Variants in DGKB observed in about 807,000 individuals in gnomAD.
The protein encoded by DGKB is 90 kDa diacylglycerol kinase.
Under a neutral mutation model 114.3 loss-of-function variants are expected in DGKB, and 67 were observed. The observed-to-expected ratio is 0.59, with a 90% CI of 0.48 to 0.72. DGKB has a LOEUF of 0.72. DGKB is among the 30% of genes least tolerant of loss of function. DGKB has a pLI of 0.00. For missense variants in DGKB, 907 were observed against 975.2 expected (o/e 0.93, Z 0.93); for synonymous variants, 398 against 323.1 (o/e 1.23, Z -2.49).
intron 23 of DGKB, among the ~76,000 whole-genome samples, chr7:14,273,729 T>C (rs908266827): frequency 6.6e-6 from 1 of 152,218 alleles, no homozygotes; most frequent in Non-Finnish European, 1.5e-5. Flanking sequence ...TGAAAAGGTG[T>C]CTTCTAAAAC....
chr7:14,560,968 A>T (rs1796573181), intron 20 of DGKB, among the ~76,000 whole-genome samples: 1 of 152,170 alleles, frequency 6.6e-6, no homozygotes, highest in Non-Finnish European at 1.5e-5. Context: ...TTAGAAATAT[A>T]TACTGGTTCA....
chr7:14,790,166 C>T (rs1054807609), intron 2 of DGKB, among the ~76,000 whole-genome samples: 6 of 152,130 alleles, frequency 3.9e-5, no homozygotes, highest in South Asian at 2.1e-4. Context: ...TCGAATTTTG[C>T]GAGTTCATTA....
At chr7:14,215,553 T>A (rs1459524961) in intron 23 of DGKB, among the ~76,000 whole-genome samples, 3 of 152,164 alleles carry the variant, frequency 2.0e-5, no homozygotes, top group South Asian at 4.1e-4. Flanking sequence ...ACAATTAGCA[T>A]ACAAATGTTT....
At chr7:14,217,671 GA>G (rs937456442) in intron 23 of DGKB, among the ~76,000 whole-genome samples, 78 of 148,998 alleles carry the variant, frequency 5.2e-4, no homozygotes, top group Middle Eastern at 3.5e-3. Flanking sequence ...AGATGCAAGT[GA>G]AAAAAAAAAT....
At chr7:14,706,756 C>A (rs2129020433) in intron 6 of DGKB, among the ~76,000 whole-genome samples, 1 of 97,644 alleles carries the variant, frequency 1.0e-5, no homozygotes, top group African/African-American at 4.2e-5. Flanking sequence ...TAAAGATGTT[C>A]TTTGAAACCA....
intron 10 of DGKB, among the ~76,000 whole-genome samples, chr7:14,684,974 G>C (rs1821424499): frequency 6.6e-6 from 1 of 151,980 alleles, no homozygotes; most frequent in Non-Finnish European, 1.5e-5. Flanking sequence ...CTGAAGAAAT[G>C]GGAAACATGA....
At chr7:14,549,154 A>G (rs1336308142) in intron 20 of DGKB, among the ~76,000 whole-genome samples, 2 of 152,200 alleles carry the variant, frequency 1.3e-5, no homozygotes, top group Admixed American at 1.3e-4. Flanking sequence ...GTGTAAGGTC[A>G]TGGATGCCCA....
At chr7:14,365,854 A>G (rs1053477247) in intron 21 of DGKB, among the ~76,000 whole-genome samples, 4 of 152,106 alleles carry the variant, frequency 2.6e-5, no homozygotes, top group African/African-American at 9.7e-5. Flanking sequence ...TATAAATTGT[A>G]TTAGGTAAAT....
At chr7:14,685,660 G>A (rs1417414069) in intron 9 of DGKB, among the ~76,000 whole-genome samples, 2 of 152,122 alleles carry the variant, frequency 1.3e-5, no homozygotes, top group Non-Finnish European at 2.9e-5. Context: ...GGACGTGATT[G>A]CCTCTTCTTT....
chr7:14,937,266 C>T (rs1470260770), intron 1 of DGKB, among the ~76,000 whole-genome samples: 4 of 151,760 alleles, frequency 2.6e-5, no homozygotes, highest in African/African-American at 7.2e-5. Context: ...TATTCAAATT[C>T]TGATTTATAT....
intron 17 of DGKB, among the ~76,000 whole-genome samples, chr7:14,589,472 G>T (rs1801324064): frequency 6.6e-6 from 1 of 151,934 alleles, no homozygotes; most frequent in South Asian, 2.1e-4. Flanking sequence ...CTGAAGATAA[G>T]AATTACTTTT....
intron 23 of DGKB, among the ~76,000 whole-genome samples, chr7:14,272,775 A>G (rs1798451074): frequency 6.6e-6 from 1 of 152,190 alleles, no homozygotes; most frequent in Non-Finnish European, 1.5e-5. Flanking sequence ...CTATTTAGCA[A>G]TTTCACTTAT....
chr7:14,504,825 T>G lies in DGKB; in HGVS notation c.1771-26600A>C, dbSNP rs548160985. ...GGATAATTTCTAAGAGTTGACTGCA[T>G]CTACACTAGTCAACATGCCACTAAA... On this transcript the variant is annotated intron_variant, in intron 20 of 25. Coordinates refer to ENST00000402815, the MANE Select transcript of DGKB (RefSeq NM_001350709.2). Among the ~76,000 whole-genome samples the G allele has an allele frequency of 2.8e-4, 43 of 152,306 alleles. No individual in the cohort carries two copies. In the South Asian group the frequency reaches 7.7e-3, roughly 27 times the overall value.
At chr7:14,171,855 G>T (rs73271703) in intron 25 of DGKB, among the ~76,000 whole-genome samples, 3,657 of 152,296 alleles carry the variant, frequency 0.024, 57 homozygotes, top group Admixed American at 0.032. Context: ...CTAATTATGT[G>T]TGAGGTACAG....
Position 14,717,210 on chromosome 7 carries a change from G to T in DGKB, c.466+1332C>A, listed in dbSNP as rs1450248102. 2.6e-5 allele frequency among the ~76,000 whole-genome samples: 4 copies of T among 152,228 alleles called. No individual in the cohort carries two copies. In the East Asian group the frequency reaches 7.7e-4, roughly 29 times the overall value. On this transcript the variant is annotated intron_variant, in intron 6 of 25. Transcript: ENST00000402815. ...CCACCTAAAAAGCAATATACATCCAGCTGACCTAGAAATAGTTAAACAGCA... is the reference window on the plus strand; with the variant it reads ...CCACCTAAAAAGCAATATACATCCATCTGACCTAGAAATAGTTAAACAGCA...
chr7:14,471,024 G>T (rs929916072), intron 21 of DGKB, among the ~76,000 whole-genome samples: 17 of 150,836 alleles, frequency 1.1e-4, no homozygotes, highest in African/African-American at 4.1e-4. Flanking sequence ...GAACTTTAAT[G>T]GAATTTTTAT....
At chr7:14,412,881 T>C (rs1825118395) in intron 21 of DGKB, among the ~76,000 whole-genome samples, 2 of 151,688 alleles carry the variant, frequency 1.3e-5, no homozygotes, top group African/African-American at 4.8e-5. Flanking sequence ...CTCAGGAGGC[T>C]GAGACAGGAG....
At chr7:14,337,334 T>A (rs915111491) in intron 23 of DGKB, among the ~76,000 whole-genome samples, 2 of 152,106 alleles carry the variant, frequency 1.3e-5, no homozygotes, top group African/African-American at 4.8e-5. Context: ...ATATTTTGAG[T>A]ATGTAATTTT....
At chr7:14,849,020 C>A (rs1268081543) in intron 1 of DGKB, among the ~76,000 whole-genome samples, 1 of 151,894 alleles carries the variant, frequency 6.6e-6, no homozygotes, top group Non-Finnish European at 1.5e-5. Context: ...TGTTTGCATC[C>A]CTATCTCCAT....
Sources: allele counts gnomAD v4.1 joint callset (sites outside exome capture counted in the v4.1 genomes callset), GRCh38; gene constraint gnomAD v4.1.1; transcripts MANE v1.5; gene names NCBI Gene and HGNC (gene_info 2026-07-23, HGNC 2026-07-21).